The following TICAM2 variants were observed in gnomAD, a reference collection of about 807,000 sequenced individuals.
TICAM2 encodes TIR domain containing adaptor molecule 2.
TICAM2 carries 8 observed loss-of-function variants against 7.3 expected under a neutral mutation model. That is an observed-to-expected ratio of 1.10 (90% CI 0.65 to 1.99). TICAM2 has a LOEUF of 1.99. TICAM2 is among the 30% of genes most tolerant of loss of function. The pLI, the probability that TICAM2 is intolerant of heterozygous loss-of-function variation, is 0.00. For missense variants in TICAM2, 304 were observed against 278.8 expected (o/e 1.09, Z -0.65); for synonymous variants, 113 against 99.6 (o/e 1.13, Z -0.80).
At chr5:115,585,093 T>C (rs1755056180) in intron 1 of TICAM2, among the ~76,000 whole-genome samples, 1 of 152,224 alleles carries the variant, frequency 6.6e-6, no homozygotes, top group South Asian at 2.1e-4. Context: ...ATAACTGTGA[T>C]TTTGTACAAC....
Position 115,581,095 on chromosome 5 carries a change from C to A in TICAM2, c.162G>T (p.Gly54=). 1 of 1,614,144 alleles carries A rather than the reference C, an allele frequency of 6.2e-7. No homozygotes were observed. The highest frequency in any genetic ancestry group is 8.5e-7 in the Non-Finnish European group (1 of 1,180,042). The change falls in exon 2 of 2, where the codon GGG becomes GGT. Residue 54 remains glycine, a synonymous_variant. Coordinates refer to ENST00000427199, the MANE Select transcript of TICAM2 (RefSeq NM_021649.7). ...GAGCTCCCTCCTGCTTTCCTGTTGGCCCCTCTGTTGTATTGCTGTGCTCAG... is the reference window on the plus strand; with the variant it reads ...GAGCTCCCTCCTGCTTTCCTGTTGGACCCTCTGTTGTATTGCTGTGCTCAG... ...NVAEHSNTTE[G]PTGKQEGAQS... is the part of the protein sequence containing the mutation.
At chr5:115,601,914 T>C (rs966465732) in intron 1 of TICAM2, 183 bp downstream of exon 1, 6 of 152,204 alleles carry the variant, frequency 3.9e-5, no homozygotes, top group Non-Finnish European at 5.9e-5. Context: ...GTAAGCCAAG[T>C]GACGGAAAGG....
chr5:115,594,435 T>C (rs924216933), intron 1 of TICAM2, among the ~76,000 whole-genome samples: 1 of 152,228 alleles, frequency 6.6e-6, no homozygotes, highest in African/African-American at 2.4e-5. Context: ...TATGTAAGTA[T>C]GTGTGTTTAA....
intron 1 of TICAM2, among the ~76,000 whole-genome samples, chr5:115,588,081 A>G (rs1755174542): frequency 6.6e-6 from 1 of 152,160 alleles, no homozygotes; most frequent in Non-Finnish European, 1.5e-5. Context: ...GCACCTTGAC[A>G]TTCAGAGGAA....
intron 1 of TICAM2, among the ~76,000 whole-genome samples, chr5:115,586,998 A>T (rs1755129300): frequency 6.6e-6 from 1 of 152,184 alleles, no homozygotes; most frequent in Non-Finnish European, 1.5e-5. Context: ...TTTTCTAGGC[A>T]GTGGAAGCAG....
intron 1 of TICAM2, among the ~76,000 whole-genome samples, chr5:115,593,056 T>C (rs933107447): frequency 6.6e-6 from 1 of 152,132 alleles, no homozygotes; most frequent in Non-Finnish European, 1.5e-5. Flanking sequence ...GGCAAGAGAA[T>C]TGCTTGAACC....
chr5:115,580,538 T>C lies in TICAM2; in HGVS notation c.*11A>G, dbSNP rs1754877677. 5.1e-6 allele frequency: 8 copies of C among 1,571,618 alleles called. No individual in the cohort carries two copies. The highest frequency in any genetic ancestry group is 2.3e-5 in the East Asian group (1 of 44,124). The stretch of plus-strand genomic sequence containing the variant: ...CAAAACAAGAGCCAGCCACATGTTA[T>C]ATGTTTCATCTCAGGCAATAAATTG... On this transcript the variant is annotated 3_prime_UTR_variant, in exon 2 of 2. Coordinates refer to ENST00000427199, the MANE Select transcript of TICAM2 (RefSeq NM_021649.7).
At chr5:115,586,532 A>T (rs1755112729) in intron 1 of TICAM2, among the ~76,000 whole-genome samples, 1 of 152,150 alleles carries the variant, frequency 6.6e-6, no homozygotes, top group African/African-American at 2.4e-5. Flanking sequence ...CCCAGCTGCT[A>T]AGGAAAGAAA....
intron 1 of TICAM2, among the ~76,000 whole-genome samples, chr5:115,588,308 A>G (rs989458477): frequency 6.6e-6 from 1 of 152,136 alleles, no homozygotes; most frequent in Non-Finnish European, 1.5e-5. Flanking sequence ...TCCTTTTCTG[A>G]AGAGGAATAG....
chr5:115,581,009 A>G lies in TICAM2; in HGVS notation c.248T>C (p.Ile83Thr). The G allele has an allele frequency of 6.2e-7, 1 of 1,614,098 alleles. No individual in the cohort carries two copies. The highest frequency in any genetic ancestry group is 8.5e-7 in the Non-Finnish European group (1 of 1,179,996). ...ATCTGTGTCATCTTCTGCATGCAAT[A>G]TCACAAATTTGAGGAACACCTCTTC... ...AEEEVFLKFV[I>T]LHAEDDTDEA... Residue 83 changes from isoleucine to threonine, a missense_variant, in exon 2 of 2, where the codon ATA becomes ACA. Ile to Thr is a moderately conservative substitution (Grantham distance 89). Transcript: ENST00000427199.
intron 1 of TICAM2, among the ~76,000 whole-genome samples, chr5:115,582,361 A>T: frequency 7.6e-6 from 1 of 132,064 alleles, no homozygotes; most frequent in African/African-American, 2.9e-5. Context: ...TTTGGTAGAG[A>T]TGGGGTTTCA....
Position 115,581,227 on chromosome 5 carries a change from G to A in TICAM2, c.30C>T (p.Ser10=). 1 of 1,610,252 alleles carries A rather than the reference G, an allele frequency of 6.2e-7. No homozygotes were observed. Among genetic ancestry groups the A allele is most frequent in the Middle Eastern group, 1.6e-4 (1 of 6,062 alleles). ...TACCCCAAGAGAGAGAAAGAGGGCA[G>A]GAATTTATTTTAGACTTCCCGATAC... The part of the protein sequence containing the change: MGIGKSKIN[S]CPLSLSWGKR... Residue 10 remains serine, a synonymous_variant, in exon 2 of 2, where the codon TCC becomes TCT. Transcript: ENST00000427199.
At chr5:115,595,930 G>C (rs1312166514) in intron 1 of TICAM2, among the ~76,000 whole-genome samples, 3 of 152,014 alleles carry the variant, frequency 2.0e-5, no homozygotes, top group Non-Finnish European at 4.4e-5. Context: ...ATAATATCTG[G>C]TTCACATCTC....
At position 115,589,447 on chromosome 5, in the gene TICAM2, C is replaced by T. The variant is rs1755225468; in HGVS notation, c.-59-8132G>A. Among the ~76,000 whole-genome samples the T allele has an allele frequency of 4.6e-5, 7 of 152,188 alleles. No individual in the cohort carries two copies. The South Asian group carries it at 1.4e-3, about 31-fold the overall frequency. ...GAGTTGAATTTGAATCCATCTTCATCTTAGATTGAAATAACATTCTTGAGA... is the reference window on the plus strand; with the variant it reads ...GAGTTGAATTTGAATCCATCTTCATTTTAGATTGAAATAACATTCTTGAGA... On this transcript the variant is annotated intron_variant, in intron 1 of 1. Transcript: ENST00000427199.
At position 115,579,752 on chromosome 5, in the gene TICAM2, A is replaced by AGGTTTTTGATTTAAAAAGTGAATATCT. The variant is rs1186835455; in HGVS notation, c.*770_*796dup. On this transcript the variant is annotated 3_prime_UTR_variant, in exon 2 of 2. Coordinates refer to ENST00000427199, the MANE Select transcript of TICAM2 (RefSeq NM_021649.7). Reference sequence around the variant, plus strand: ...GAAACTTTTAAAGCTTCCATAAGAGAGGTTTTTGATTTAAAAAGTGAATAT... The same window carrying AGGTTTTTGATTTAAAAAGTGAATATCT: ...GAAACTTTTAAAGCTTCCATAAGAGAGGTTTTTGATTTAAAAAGTGAATATCTGGTTTTTGATTTAAAAAGTGAATAT... The AGGTTTTTGATTTAAAAAGTGAATATCT allele has an allele frequency of 2.6e-5, 4 of 152,186 alleles. No homozygotes were observed. Among genetic ancestry groups the AGGTTTTTGATTTAAAAAGTGAATATCT allele is most frequent in the Non-Finnish European group, 5.9e-5 (4 of 68,036 alleles). The allele number at this position is 152,186 out of a possible 1,614,324, so 9.4% of individuals were successfully genotyped here. A position where few individuals can be genotyped will look rare whatever the true frequency, so the allele number is the denominator to read the frequency against.
At position 115,580,910 on chromosome 5, in the gene TICAM2, G is replaced by A. The variant is rs752949039; in HGVS notation, c.347C>T (p.Pro116Leu). ...IKPGIIFAEM[P>L]CGRQHLQNLD... ...ATTCTGTAAATGCTGTCTGCCACATGGCATCTCAGCAAAGATTATTCCGGG... is the reference window on the plus strand; with the variant it reads ...ATTCTGTAAATGCTGTCTGCCACATAGCATCTCAGCAAAGATTATTCCGGG... The change falls in exon 2 of 2, where the codon CCA becomes CTA. Residue 116 changes from proline (P) to leucine (L), a missense_variant. By Grantham distance (98) the Pro-to-Leu change is moderately conservative. Coordinates refer to ENST00000427199, the MANE Select transcript of TICAM2 (RefSeq NM_021649.7). 1.9e-6 allele frequency: 3 copies of A among 1,613,788 alleles called. No individual in the cohort carries two copies. In the East Asian group the frequency reaches 6.7e-5, roughly 36 times the overall value.
intron 1 of TICAM2, among the ~76,000 whole-genome samples, chr5:115,585,276 C>T (rs1019737107): frequency 6.6e-6 from 1 of 152,148 alleles, no homozygotes; most frequent in Admixed American, 6.5e-5. Context: ...GAAGCTAAAA[C>T]ATTTATACAA....
chr5:115,581,455 A>C (rs979661693), intron 1 of TICAM2, 140 bp from the exon 2 acceptor site: 14 of 1,044,006 alleles, frequency 1.3e-5, no homozygotes, highest in Middle Eastern at 3.2e-4. Context: ...ATAATTGGGA[A>C]GCTAAACTAC....
chr5:115,596,171 G>C (rs1471568258), intron 1 of TICAM2, among the ~76,000 whole-genome samples: 1 of 152,044 alleles, frequency 6.6e-6, no homozygotes, highest in Non-Finnish European at 1.5e-5. Context: ...ATCTCAAATT[G>C]TTTCAAGTTT....
Sources: allele counts gnomAD v4.1 joint callset (sites outside exome capture counted in the v4.1 genomes callset), GRCh38; gene constraint gnomAD v4.1.1; transcripts MANE v1.5; gene names NCBI Gene and HGNC (gene_info 2026-07-23, HGNC 2026-07-21).